Variants in NRG1 observed in about 807,000 individuals in gnomAD.
NRG1 encodes the protein pro-neuregulin-1, membrane-bound isoform.
In NRG1, 18 loss-of-function variants were observed where a neutral mutation model predicts 63.8. That is an observed-to-expected ratio of 0.28 (90% CI 0.19 to 0.42). NRG1 has a LOEUF of 0.42. Ranked by LOEUF, NRG1 falls within the 10% of genes least tolerant of loss-of-function variation. NRG1 has a pLI of 1.00. For synonymous variants in NRG1, 302 were observed against 301.3 expected, an observed-to-expected ratio of 1.00 and a Z score of -0.02; for missense variants, 762 against 814.7, an observed-to-expected ratio of 0.94 and a Z score of 0.79.
intron 1 of NRG1, among the ~76,000 whole-genome samples, chr8:31,761,195 C>T (rs908460842): frequency 1.3e-5 from 2 of 152,010 alleles, no homozygotes; most frequent in African/African-American, 2.4e-5. Flanking sequence ...AGTAAACTAT[C>T]CCAAGGACAA....
intron 1 of NRG1, among the ~76,000 whole-genome samples, chr8:32,299,324 G>A (rs1166534054): frequency 6.6e-6 from 1 of 152,174 alleles, no homozygotes; most frequent in East Asian, 1.9e-4. Context: ...ATCTCAGGCA[G>A]TGCCGAGGAC....
At chr8:32,463,871 A>ATTT (rs1587799335) in intron 1 of NRG1, among the ~76,000 whole-genome samples, 2 of 80,506 alleles carry the variant, frequency 2.5e-5, no homozygotes, top group South Asian at 4.8e-4. Flanking sequence ...AAAACTTAGA[A>ATTT]TTCTTTTTTT....
chr8:32,230,950 A>G (rs1446855269), intron 1 of NRG1, among the ~76,000 whole-genome samples: 3 of 152,144 alleles, frequency 2.0e-5, no homozygotes, highest in Admixed American at 2.0e-4. Context: ...CTGTTGTGCT[A>G]TCAAATACTA....
chr8:32,740,335 A>T lies in NRG1; in HGVS notation c.633-2340A>T, dbSNP rs553299238. On this transcript the variant is annotated intron_variant, in intron 6 of 11. Coordinates refer to ENST00000356819, the Ensembl canonical transcript of NRG1. The stretch of plus-strand genomic sequence containing the variant: ...CTCAGCCTCCTGAGTAGCTGGGATT[A>T]CAGGCGCCCGCCACCACACCCAGCT... 4.5e-4 allele frequency among the ~76,000 whole-genome samples: 68 copies of T among 151,472 alleles called. No individual in the cohort carries two copies. The South Asian group carries it at 0.014, about 30-fold the overall frequency.
chr8:32,348,329 C>T (rs1563343318), intron 1 of NRG1, among the ~76,000 whole-genome samples: 1 of 152,108 alleles, frequency 6.6e-6, no homozygotes, highest in Non-Finnish European at 1.5e-5. Context: ...TTTCACACCA[C>T]TTTTTAGTGG....
chr8:31,734,841 C>A (rs1461379031), intron 1 of NRG1, among the ~76,000 whole-genome samples: 2 of 152,020 alleles, frequency 1.3e-5, no homozygotes, highest in African/African-American at 4.8e-5. Context: ...TTTTTTTATT[C>A]TAAGTCTCCC....
chr8:32,248,343 T>A (rs922518668), intron 1 of NRG1, among the ~76,000 whole-genome samples: 2 of 152,070 alleles, frequency 1.3e-5, no homozygotes, highest in South Asian at 4.1e-4. Flanking sequence ...TGAATACACA[T>A]CTCACAACTT....
At chr8:32,614,704 C>T in intron 4 of NRG1, 140 bp downstream of exon 4, 1 of 755,654 alleles carries the variant, frequency 1.3e-6, no homozygotes. Context: ...TTTTCTCAAC[C>T]TTGTTCTGTC....
intron 1 of NRG1, among the ~76,000 whole-genome samples, chr8:32,446,272 C>T (rs908506634): frequency 4.6e-5 from 7 of 152,102 alleles, no homozygotes; most frequent in Non-Finnish European, 1.0e-4. Flanking sequence ...CAGAAGCAGC[C>T]GAGTGATTTA....
At chr8:32,292,527 C>T (rs1854324877) in intron 1 of NRG1, among the ~76,000 whole-genome samples, 1 of 152,214 alleles carries the variant, frequency 6.6e-6, no homozygotes, top group Admixed American at 6.5e-5. Flanking sequence ...TCCTCCTCTT[C>T]TTCCTCCCAT....
rs879810162 is a variant in NRG1 at position 32,164,636 on chromosome 8, TCATC to T, written c.38-431191_38-431188del. Among the ~76,000 whole-genome samples, 673 of 152,338 alleles carry T rather than the reference TCATC, an allele frequency of 4.4e-3. 2 individuals carry two copies. Among genetic ancestry groups the T allele is most frequent in the Non-Finnish European group, 7.4e-3 (505 of 68,028 alleles). The stretch of plus-strand genomic sequence containing the variant: ...ACTTTTTTAAAACTACCATCCATTG[TCATC>T]ATTATTCCATAAAAAGAGGTATTTT... On this transcript the variant is annotated intron_variant, in intron 1 of 10. Coordinates refer to the NRG1 transcript ENST00000519301.
At chr8:31,869,907 A>G (rs973447036) in intron 1 of NRG1, among the ~76,000 whole-genome samples, 1 of 152,228 alleles carries the variant, frequency 6.6e-6, no homozygotes, top group Non-Finnish European at 1.5e-5. Context: ...ATATTTCCTT[A>G]TAGAACCTCC....
At chr8:32,173,019 C>T (rs55794131) in intron 1 of NRG1, among the ~76,000 whole-genome samples, 38,449 of 151,816 alleles carry the variant, frequency 0.25, 6,781 homozygotes, top group African/African-American at 0.5. Flanking sequence ...AGAAGAGCAA[C>T]TCCAAGACAC....
chr8:32,131,430 T>C (rs1834812117), intron 1 of NRG1, among the ~76,000 whole-genome samples: 1 of 152,046 alleles, frequency 6.6e-6, no homozygotes, highest in African/African-American at 2.4e-5. Context: ...TTTTTCATCT[T>C]CATGTTGAGT....
At chr8:31,680,687 C>G (rs2131058895) in intron 1 of NRG1, among the ~76,000 whole-genome samples, 1 of 151,794 alleles carries the variant, frequency 6.6e-6, no homozygotes, top group African/African-American at 2.4e-5. Context: ...AATGGTATTT[C>G]TAGTTCTAGA....
chr8:32,652,261 G>T (rs1029618357), intron 5 of NRG1, among the ~76,000 whole-genome samples: 1 of 152,006 alleles, frequency 6.6e-6, no homozygotes, highest in Non-Finnish European at 1.5e-5. Context: ...TTTTCTTCTC[G>T]CCTTCCTGTT....
intron 1 of NRG1, among the ~76,000 whole-genome samples, chr8:32,489,764 C>T (rs1183931438): frequency 6.6e-6 from 1 of 152,182 alleles, no homozygotes; most frequent in East Asian, 1.9e-4. Flanking sequence ...AAAATACAGC[C>T]AAGTTTTGGC....
chr8:32,017,318 C>T (rs938148766), intron 1 of NRG1, among the ~76,000 whole-genome samples: 16 of 152,280 alleles, frequency 1.1e-4, no homozygotes, highest in African/African-American at 3.6e-4. Context: ...GGAAAAAACA[C>T]AAACTGTTTT....
rs142101171 is a variant in NRG1 at position 32,071,946 on chromosome 8, G to A, written c.37+432515G>A. Among the ~76,000 whole-genome samples, 93 of 152,284 alleles carry A rather than the reference G, an allele frequency of 6.1e-4. 1 individual carries two copies. In the East Asian group the frequency reaches 0.016, roughly 27 times the overall value. On this transcript the variant is annotated intron_variant, in intron 1 of 10. Coordinates refer to the NRG1 transcript ENST00000519301. ...ACACAAGGCAGTTAGTAGACGAAGT[G>A]TATGAGGACATTGCTAGCTTAATAT...
Sources: gnomAD v4.1 joint callset for allele counts (sites outside exome capture counted in the v4.1 genomes callset) on GRCh38, gnomAD v4.1.1 for gene constraint, MANE v1.5 for transcripts, NCBI Gene and HGNC (gene_info 2026-07-23, HGNC 2026-07-21) for gene names.